Variants in TMC5 observed in about 807,000 individuals in gnomAD.
The protein encoded by TMC5 is transmembrane channel-like protein 5.
Under a neutral mutation model 110.5 loss-of-function variants are expected in TMC5, and 86 were observed. The ratio of observed to expected loss-of-function variants is 0.78; its 90% CI spans 0.65 to 0.93. The LOEUF is 0.93. Ranked by LOEUF, TMC5 falls within the 40% of genes least tolerant of loss-of-function variation. TMC5 has a pLI of 0.00. For synonymous variants in TMC5, 455 were observed against 439.5 expected (o/e 1.04, Z -0.44); for missense variants, 1,144 against 1,222.8 (o/e 0.94, Z 0.96).
rs947602517 is a variant in TMC5, at chr16:19,440,178, A to AC, written c.144dup (p.Gly49ArgfsTer28). 7 of 1,614,086 alleles carry AC rather than the reference A, an allele frequency of 4.3e-6. No individual in the cohort carries two copies. The highest frequency in any genetic ancestry group is 5.9e-6 in the Non-Finnish European group (7 of 1,180,014). ...CCAGGTCCTCTGAACAATCCAGACTACCCCGGCACCAGGAGCAATCCATAC... is the reference window on the plus strand; with the variant it reads ...CCAGGTCCTCTGAACAATCCAGACTACCCCCGGCACCAGGAGCAATCCATAC... On this transcript the variant is annotated frameshift_variant, in exon 3 of 22. Coordinates refer to ENST00000542583, the MANE Select transcript of TMC5 (RefSeq NM_001261841.2). LOFTEE classifies it high-confidence loss of function.
upstream of TMC5, among the ~76,000 whole-genome samples, chr16:19,413,480 C>T (rs753344570): frequency 9.4e-5 from 12 of 127,782 alleles, no homozygotes; most frequent in Non-Finnish European, 3.1e-5. Context: ...GCTAAGATTG[C>T]GCCACTGCAT....
rs35872301 is a variant in TMC5 at position 19,473,345 on chromosome 16, C to CAAAAA, written c.1939-748_1939-744dup. Among the ~76,000 whole-genome samples, 19 of 20,238 alleles carry CAAAAA rather than the reference C, an allele frequency of 9.4e-4. 6 individuals are homozygous for CAAAAA. Among genetic ancestry groups the CAAAAA allele is most frequent in the Admixed American group, 2.1e-3 (2 of 974 alleles). The allele number at this position is 20,238 out of a possible 152,430, so 13.3% of individuals were successfully genotyped here. On this transcript the variant is annotated intron_variant, in intron 11 of 21. Transcript: ENST00000542583. ...TGGGCAACAGAGCGAGACTCCGGCTCAAAAAAAAAAAAAAAAAAAAAAAAA... is the reference window on the plus strand; with the variant it reads ...TGGGCAACAGAGCGAGACTCCGGCTCAAAAAAAAAAAAAAAAAAAAAAAAAAAAAA...
intron 4 of TMC5, among the ~76,000 whole-genome samples, chr16:19,447,023 C>T (rs1211710386): frequency 6.6e-6 from 1 of 151,318 alleles, no homozygotes; most frequent in African/African-American, 2.4e-5. Flanking sequence ...GAGTTAATAA[C>T]AACAACAACA....
chr16:19,471,959 C>T (rs1968353122), intron 10 of TMC5, 129 bp from the exon 11 acceptor site: 1 of 881,202 alleles, frequency 1.1e-6, no homozygotes. Flanking sequence ...CGGGGTTTCA[C>T]CATGTTGTCC....
intron 13 of TMC5, 111 bp downstream of exon 13, chr16:19,477,629 G>A (rs1968521448): frequency 1.3e-6 from 1 of 745,130 alleles, no homozygotes; most frequent in Admixed American, 2.7e-5. Context: ...TTAATCCCTT[G>A]TGGGAAGAGA....
At chr16:19,463,685 C>A in intron 7 of TMC5, 91 bp from the exon 8 acceptor site, 1 of 1,464,010 alleles carries the variant, frequency 6.8e-7, no homozygotes, top group Non-Finnish European at 9.3e-7. Context: ...ATACTCCAGA[C>A]ATGGTGGCTG....
intron 12 of TMC5, among the ~76,000 whole-genome samples, chr16:19,475,800 T>C (rs1320118777): frequency 6.7e-6 from 1 of 150,214 alleles, no homozygotes; most frequent in Non-Finnish European, 1.5e-5. Flanking sequence ...ATAATTTTCT[T>C]TCTTTTTTTT....
At chr16:19,475,047 T>C (rs1968451956) in intron 12 of TMC5, among the ~76,000 whole-genome samples, 2 of 152,220 alleles carry the variant, frequency 1.3e-5, no homozygotes, top group African/African-American at 4.8e-5. Flanking sequence ...AGAGTTTTGA[T>C]ACACAAAGCC....
chr16:19,445,188 C>A (rs988479882), intron 4 of TMC5, among the ~76,000 whole-genome samples: 2 of 151,826 alleles, frequency 1.3e-5, no homozygotes, highest in Non-Finnish European at 2.9e-5. Context: ...TTTGAAAAAT[C>A]ATGTTGTCCT....
At chr16:19,493,472 T>TTC in intron 19 of TMC5, among the ~76,000 whole-genome samples, 1 of 151,884 alleles carries the variant, frequency 6.6e-6, no homozygotes, top group South Asian at 2.1e-4. Flanking sequence ...TCTCTTTTTT[T>TTC]TTTTTTGAGA....
At position 19,497,935 on chromosome 16, in the gene TMC5, G is replaced by T. The variant is rs1228929486; in HGVS notation, c.2990G>T (p.Arg997Ile). 1 of 1,613,944 alleles carries T rather than the reference G, an allele frequency of 6.2e-7. No individual in the cohort carries two copies. The highest frequency in any genetic ancestry group is 1.7e-5 in the Admixed American group (1 of 59,972). The part of the protein sequence containing the change: ...HDGSLDLRSR[R>I]SVQEGNPRA ...TCAAACCTAGACTTGCGATCTAGAA[G>T]ATCAGTTCAAGAAGGTAATCCAAGG... The change falls in exon 22 of 22, where the codon AGA (arginine) becomes ATA (isoleucine). Residue 997 changes from arginine (R) to isoleucine (I), a missense_variant. Transcript: ENST00000542583.
Position 19,497,179 on chromosome 16 carries a change from G to A in TMC5, c.2974+16G>A. ...GGCAGTCTTGGTGAGTAATTAAACT[G>A]GGACAGAATAAGACACTAATTTATT... On this transcript the variant is annotated intron_variant, in intron 21 of 21. Transcript: ENST00000542583. 1 of 1,610,938 alleles carries A rather than the reference G, an allele frequency of 6.2e-7. No homozygotes were observed. The highest frequency in any genetic ancestry group is 8.5e-7 in the Non-Finnish European group (1 of 1,177,356).
rs750780251 is a variant in TMC5, at chr16:19,472,266, G to T, written c.1938+23G>T. Reference sequence around the variant, plus strand: ...GAGGTAACCAACACCAGGGTCCAGGGCAGAGAGAACCAGGTGAAGGGATGA... The same window carrying T: ...GAGGTAACCAACACCAGGGTCCAGGTCAGAGAGAACCAGGTGAAGGGATGA... On this transcript the variant is annotated intron_variant, in intron 11 of 21. Coordinates refer to ENST00000542583, the MANE Select transcript of TMC5 (RefSeq NM_001261841.2). 1.7e-5 allele frequency: 28 copies of T among 1,611,638 alleles called. No homozygotes were observed. In the South Asian group the frequency reaches 2.4e-4, roughly 14 times the overall value.
At chr16:19,481,296 T>C (rs1968612327) in intron 14 of TMC5, 74 bp from the exon 15 acceptor site, 1 of 1,082,160 alleles carries the variant, frequency 9.2e-7, no homozygotes, top group Non-Finnish European at 1.4e-6. Context: ...CTTTTGTTGA[T>C]TGTCCTAGTC....
At chr16:19,459,832 C>T (rs1017342964) in intron 5 of TMC5, among the ~76,000 whole-genome samples, 5 of 144,132 alleles carry the variant, frequency 3.5e-5, no homozygotes, top group African/African-American at 1.0e-4. Flanking sequence ...GTGGGAGGAT[C>T]GCTTAAGTCC....
rs1308600626 is a variant in TMC5, at chr16:19,474,189, ATC to A, written c.2005_2006del (p.Leu669GlyfsTer53). On this transcript the variant is annotated frameshift_variant, in exon 12 of 22. Transcript: ENST00000542583. LOFTEE classifies it high-confidence loss of function. ...CTGCCTTTCGTTGTGTCCTGCATTA[ATC>A]TGGCCGTGCCATGCATCTACTCCAT... 2.5e-6 allele frequency: 4 copies of A among 1,613,994 alleles called. No homozygotes were observed. Among genetic ancestry groups the A allele is most frequent in the Non-Finnish European group, 3.4e-6 (4 of 1,179,996 alleles).
At chr16:19,481,936 A>C (rs1469038120) in intron 15 of TMC5, among the ~76,000 whole-genome samples, 2 of 152,208 alleles carry the variant, frequency 1.3e-5, no homozygotes, top group African/African-American at 2.4e-5. Flanking sequence ...ACGTGGGGAC[A>C]TGGAGAGAAG....
In TMC5 at chr16:19,440,058, A is replaced by C. The variant is rs1967445201; in HGVS notation, c.20A>C (p.Asn7Thr). Residue 7 changes from asparagine (N) to threonine (T), a missense_variant, in exon 3 of 22, where the codon AAT becomes ACT. Physicochemically the swap from Asn to Thr is moderately conservative, Grantham distance 65 (BLOSUM62 0). Coordinates refer to ENST00000542583, the MANE Select transcript of TMC5 (RefSeq NM_001261841.2). MSAYYRNNWSEEDPDYP... is the reference protein window; with the variant it reads MSAYYRTNWSEEDPDYP... The stretch of plus-strand genomic sequence containing the variant: ...ACCAACATGTCTGCCTACTACAGGA[A>C]TAACTGGTCTGAGGAAGACCCAGAT... 6.2e-7 allele frequency: 1 copy of C among 1,613,910 alleles called. No individual in the cohort carries two copies. Among genetic ancestry groups the C allele is most frequent in the Non-Finnish European group, 8.5e-7 (1 of 1,179,912 alleles).
chr16:19,433,174 T>C (rs1967229791), intron 2 of TMC5, among the ~76,000 whole-genome samples: 1 of 152,208 alleles, frequency 6.6e-6, no homozygotes, highest in Non-Finnish European at 1.5e-5. Context: ...CTAAATGTCT[T>C]AAAACATAAA....
Sources: gnomAD v4.1 joint callset for allele counts (sites outside exome capture counted in the v4.1 genomes callset) on GRCh38, gnomAD v4.1.1 for gene constraint, MANE v1.5 for transcripts, NCBI Gene and HGNC (gene_info 2026-07-23, HGNC 2026-07-21) for gene names.